Variants in YEATS4 observed in about 807,000 individuals in gnomAD.
YEATS4 encodes YEATS domain containing 4.
Under a neutral mutation model 30.1 loss-of-function variants are expected in YEATS4, and 17 were observed. The ratio of observed to expected loss-of-function variants is 0.56; its 90% CI spans 0.39 to 0.85. YEATS4 has a LOEUF of 0.85. Ranked by LOEUF, YEATS4 falls within the 40% of genes least tolerant of loss-of-function variation. The pLI, the probability that YEATS4 is intolerant of heterozygous loss-of-function variation, is 0.00. For missense variants in YEATS4, 142 were observed against 268.3 expected (o/e 0.53, Z 3.29); for synonymous variants, 85 against 87.5 (o/e 0.97, Z 0.16).
chr12:69,417,154 ATTTTTTTTTTTTT>A, the YEATS4 span, among the ~76,000 whole-genome samples: 1 of 68,134 alleles, frequency 1.5e-5, no homozygotes, highest in Non-Finnish European at 3.3e-5. Context: ...TTTTTTAAAA[ATTTTTTTTTTTTT>A]TTTTTTTTGA....
intron 6 of YEATS4, among the ~76,000 whole-genome samples, chr12:69,373,328 C>A (rs1249102552): frequency 3.3e-5 from 5 of 152,148 alleles, no homozygotes; most frequent in African/African-American, 1.2e-4. Context: ...CGATAACAGC[C>A]ATTTTAACAG....
At chr12:69,400,804 A>G in the YEATS4 span, 2 of 152,324 alleles carry the variant, frequency 1.3e-5, no homozygotes, top group Middle Eastern at 3.4e-3. Flanking sequence ...GATGTCTAAT[A>G]TTCAGCCACA....
At chr12:69,411,080 T>A in the YEATS4 span, among the ~76,000 whole-genome samples, 1 of 152,232 alleles carries the variant, frequency 6.6e-6, no homozygotes, top group Non-Finnish European at 1.5e-5. Context: ...TAACCATTTA[T>A]TTAACAATAT....
the YEATS4 span, among the ~76,000 whole-genome samples, chr12:69,419,827 A>G: frequency 6.6e-6 from 1 of 152,206 alleles, no homozygotes; most frequent in Non-Finnish European, 1.5e-5. Context: ...CATTTGAGAA[A>G]GGCCTCAGTG....
At chr12:69,364,696 T>C (rs1875360291) in intron 2 of YEATS4, among the ~76,000 whole-genome samples, 1 of 152,194 alleles carries the variant, frequency 6.6e-6, no homozygotes, top group Non-Finnish European at 1.5e-5. Context: ...CTCAGCTTAT[T>C]GCAACCTCCG....
intron 6 of YEATS4, among the ~76,000 whole-genome samples, chr12:69,378,729 A>G (rs1875961673): frequency 6.6e-6 from 1 of 152,186 alleles, no homozygotes; most frequent in Non-Finnish European, 1.5e-5. Flanking sequence ...ATTGCTATCT[A>G]TGTCTTGAAA....
At chr12:69,374,124 TAA>T (rs1156628688) in intron 6 of YEATS4, among the ~76,000 whole-genome samples, 1 of 140,414 alleles carries the variant, frequency 7.1e-6, no homozygotes, top group Non-Finnish European at 1.5e-5. Context: ...TGGTTCCACA[TAA>T]AATTTTAGGT....
At chr12:69,386,649 G>A (rs908272375) in intron 6 of YEATS4, among the ~76,000 whole-genome samples, 3 of 152,172 alleles carry the variant, frequency 2.0e-5, no homozygotes, top group Non-Finnish European at 4.4e-5. Flanking sequence ...TTGATGTGGG[G>A]AGAGAGGGTA....
chr12:69,370,568 A>C, intron 4 of YEATS4, 138 bp from the exon 5 acceptor site: 1 of 645,256 alleles, frequency 1.5e-6, no homozygotes, highest in South Asian at 4.2e-5. Flanking sequence ...GATTTGCTGC[A>C]ATAAGTTGCA....
chr12:69,368,462 G>A (rs1344202215), intron 4 of YEATS4, among the ~76,000 whole-genome samples: 1 of 152,126 alleles, frequency 6.6e-6, no homozygotes, highest in African/African-American at 2.4e-5. Context: ...AATGCCTCTG[G>A]AAGTCTGAAT....
downstream of YEATS4, among the ~76,000 whole-genome samples, chr12:69,391,235 A>C (rs1222457699): frequency 6.6e-6 from 1 of 152,110 alleles, no homozygotes; most frequent in Non-Finnish European, 1.5e-5. Context: ...CAGAGGTTGC[A>C]ATGAGCTGAG....
At chr12:69,366,002 G>T (rs315128) in intron 4 of YEATS4, 118 bp downstream of exon 4, 31,601 of 670,558 alleles carry the variant, frequency 0.047, 957 homozygotes, top group African/African-American at 0.13. Flanking sequence ...ATGGCACAGT[G>T]TATCTTGCCA....
At chr12:69,367,600 A>G (rs1257970139) in intron 4 of YEATS4, among the ~76,000 whole-genome samples, 2 of 152,202 alleles carry the variant, frequency 1.3e-5, no homozygotes, top group Non-Finnish European at 2.9e-5. Context: ...TCCTGGGCTC[A>G]AGCATTCCTC....
intron 6 of YEATS4, among the ~76,000 whole-genome samples, chr12:69,381,015 G>C (rs935723783): frequency 3.3e-5 from 5 of 152,196 alleles, no homozygotes; most frequent in African/African-American, 1.2e-4. Flanking sequence ...AACTAAAATT[G>C]CTAATGAAGT....
intron 1 of YEATS4, among the ~76,000 whole-genome samples, chr12:69,360,943 A>G (rs1875177382): frequency 6.6e-6 from 1 of 150,772 alleles, no homozygotes. Context: ...CACGCCTGTA[A>G]TCCCAGCACT....
At chr12:69,376,620 T>A (rs1040934051) in intron 6 of YEATS4, among the ~76,000 whole-genome samples, 22 of 152,370 alleles carry the variant, frequency 1.4e-4, no homozygotes, top group Middle Eastern at 6.8e-3. Flanking sequence ...TAGTGTTTTG[T>A]TATGGATTTT....
the YEATS4 span, among the ~76,000 whole-genome samples, chr12:69,417,038 A>C: frequency 6.6e-6 from 1 of 151,940 alleles, no homozygotes; most frequent in African/African-American, 2.4e-5. Context: ...ACACCACTGC[A>C]CTCCAGCCTG....
chr12:69,361,900 C>T (rs1346014259), intron 1 of YEATS4, among the ~76,000 whole-genome samples: 1 of 152,086 alleles, frequency 6.6e-6, no homozygotes, highest in Non-Finnish European at 1.5e-5. Flanking sequence ...GCCATTTTTG[C>T]CATGTCTGAA....
chr12:69,373,714 G>C (rs985594902), intron 6 of YEATS4, among the ~76,000 whole-genome samples: 1 of 152,196 alleles, frequency 6.6e-6, no homozygotes, highest in African/African-American at 2.4e-5. Flanking sequence ...CAGTGTCCTA[G>C]AGAGTTTCCC....
Sources: gnomAD v4.1 joint callset for allele counts (sites outside exome capture counted in the v4.1 genomes callset) on GRCh38, gnomAD v4.1.1 for gene constraint, MANE v1.5 for transcripts, NCBI Gene and HGNC (gene_info 2026-07-23, HGNC 2026-07-21) for gene names.